The following CDC42EP3 variants were observed in gnomAD, a reference collection of about 807,000 sequenced individuals.
CDC42EP3 encodes the protein CDC42 effector protein 3, also known as CDC42 effector protein (Rho GTPase binding) 3.
A neutral mutation model predicts 15.5 loss-of-function variants in CDC42EP3; 4 were observed. The observed-to-expected ratio is 0.26, with a 90% CI of 0.13 to 0.59. The LOEUF is 0.59. Among genes scored for constraint, CDC42EP3 ranks in the 20% least tolerant of loss-of-function variants. The pLI is 0.89. For synonymous variants in CDC42EP3, 145 were observed against 130.3 expected (o/e 1.11, Z -0.77); for missense variants, 309 against 311.2 (o/e 0.99, Z 0.05).
chr2:37,668,451 A>G (rs905829805), intron 1 of CDC42EP3, among the ~76,000 whole-genome samples: 5 of 152,226 alleles, frequency 3.3e-5, no homozygotes, highest in Admixed American at 2.6e-4. Flanking sequence ...TACAAAGGAT[A>G]AACTGAGGTA....
intron 1 of CDC42EP3, among the ~76,000 whole-genome samples, chr2:37,667,640 T>A (rs80248454): frequency 6.6e-6 from 1 of 152,190 alleles, no homozygotes; most frequent in African/African-American, 2.4e-5. Context: ...ATATGTGGGA[T>A]TGAATCATCT....
At chr2:37,662,207 GA>G (rs1224725753) in intron 1 of CDC42EP3, among the ~76,000 whole-genome samples, 2 of 152,160 alleles carry the variant, frequency 1.3e-5, no homozygotes, top group Non-Finnish European at 2.9e-5. Context: ...TAAGGGTCCT[GA>G]GCCATGTAGT....
intron 1 of CDC42EP3, among the ~76,000 whole-genome samples, chr2:37,651,570 T>G (rs1300847297): frequency 2.0e-5 from 3 of 152,234 alleles, no homozygotes; most frequent in Non-Finnish European, 4.4e-5. Context: ...ACAGATCACT[T>G]TTTGCTTCTG....
At chr2:37,653,925 C>G (rs59448131) in intron 1 of CDC42EP3, among the ~76,000 whole-genome samples, 3,763 of 152,278 alleles carry the variant, frequency 0.025, 116 homozygotes, top group African/African-American at 0.071. Context: ...TCCGACTTCC[C>G]CTTTCTGGCT....
In CDC42EP3 at chr2:37,641,965, T is replaced by C. The variant is rs547093110; in HGVS notation, c.*3858A>G. ...CACAGTAGTTGTAAAACAGATTTCA[T>C]TGTGTTATACATCACTTCATAAAGT... is the stretch of plus-strand genomic sequence containing the variant. On this transcript the variant is annotated 3_prime_UTR_variant, in exon 2 of 2. Transcript: ENST00000295324. 5.3e-4 allele frequency: 80 copies of C among 152,298 alleles called. No individual in the cohort carries two copies. Among genetic ancestry groups the C allele is most frequent in the African/African-American group, 1.6e-3 (67 of 41,568 alleles). 9.4% of individuals were successfully genotyped at this position (152,298 alleles called of 1,614,324 possible).
In CDC42EP3 at chr2:37,646,133, T is replaced by G; in HGVS notation, c.455A>C (p.Lys152Thr). Residue 152 changes from lysine to threonine, a missense_variant, in exon 2 of 2, where the codon AAA (lysine) becomes ACA (threonine). Lys to Thr is a moderately conservative substitution (Grantham distance 78). Coordinates refer to ENST00000295324, the MANE Select transcript of CDC42EP3 (RefSeq NM_006449.5). Reference sequence around the variant, plus strand: ...CAACAGACTGCTTTTCTCCTGAGCTTTTTCCTCCATGACGGGCTCGCAGCT... The same window carrying G: ...CAACAGACTGCTTTTCTCCTGAGCTGTTTCCTCCATGACGGGCTCGCAGCT... Reference protein sequence around the residue: ...RLSCEPVMEEKAQEKSSLLEN... With the variant: ...RLSCEPVMEETAQEKSSLLEN... 1.2e-6 allele frequency: 2 copies of G among 1,614,180 alleles called. No homozygotes were observed. Among genetic ancestry groups the G allele is most frequent in the Non-Finnish European group, 1.7e-6 (2 of 1,180,028 alleles).
chr2:37,641,981 T>C lies in CDC42EP3; in HGVS notation c.*3842A>G, dbSNP rs1202348405. On this transcript the variant is annotated 3_prime_UTR_variant, in exon 2 of 2. Coordinates refer to ENST00000295324, the MANE Select transcript of CDC42EP3 (RefSeq NM_006449.5). ...CAGATTTCATTGTGTTATACATCAC[T>C]TCATAAAGTAAGCATAGTTCCCATT... The C allele has an allele frequency of 2.0e-5, 3 of 152,204 alleles. No individual in the cohort carries two copies. The South Asian group carries it at 6.2e-4, about 32-fold the overall frequency. 9.4% of individuals were successfully genotyped at this position (152,204 alleles called of 1,614,324 possible). A position where few individuals can be genotyped will look rare whatever the true frequency, so the allele number is the denominator to read the frequency against.
rs1033864392 is a variant in CDC42EP3, at chr2:37,664,048, C to G, written c.-236+7378G>C. On this transcript the variant is annotated intron_variant, in intron 1 of 1. Coordinates refer to ENST00000295324, the MANE Select transcript of CDC42EP3 (RefSeq NM_006449.5). ...AATTAGCCGGTCGTTGTGGAGGGTG[C>G]CTGTAGTCCCAGCTACTTGGGAGGC... Among the ~76,000 whole-genome samples, 11 of 152,120 alleles carry G rather than the reference C, an allele frequency of 7.2e-5. 1 individual carries two copies. In the East Asian group the frequency reaches 1.3e-3, roughly 19 times the overall value.
intron 1 of CDC42EP3, among the ~76,000 whole-genome samples, chr2:37,662,362 A>G (rs898013690): frequency 2.6e-5 from 4 of 152,198 alleles, no homozygotes; most frequent in African/African-American, 9.7e-5. Flanking sequence ...GGTAATGTTC[A>G]TTATAAATTA....
At chr2:37,647,163 C>T (rs965394051) in intron 1 of CDC42EP3, among the ~76,000 whole-genome samples, 2 of 152,220 alleles carry the variant, frequency 1.3e-5, no homozygotes, top group African/African-American at 4.8e-5. Context: ...TTTTAAAATA[C>T]ATTTTCCTTT....
chr2:37,659,267 C>G (rs992275818), intron 1 of CDC42EP3, among the ~76,000 whole-genome samples: 2 of 152,196 alleles, frequency 1.3e-5, no homozygotes, highest in South Asian at 4.1e-4. Flanking sequence ...ACCCTGCCTG[C>G]TCTATTGAAA....
At chr2:37,664,776 G>A (rs761769132) in intron 1 of CDC42EP3, among the ~76,000 whole-genome samples, 3 of 152,200 alleles carry the variant, frequency 2.0e-5, no homozygotes, top group Non-Finnish European at 2.9e-5. Flanking sequence ...CATGGATGGA[G>A]TTGGAGGCCA....
intron 1 of CDC42EP3, among the ~76,000 whole-genome samples, chr2:37,660,929 G>A (rs1392324363): frequency 6.6e-6 from 1 of 152,158 alleles, no homozygotes; most frequent in Non-Finnish European, 1.5e-5. Context: ...ATCATTGGAA[G>A]GGACTTCATA....
At chr2:37,658,981 A>G (rs918854042) in intron 1 of CDC42EP3, among the ~76,000 whole-genome samples, 2 of 152,220 alleles carry the variant, frequency 1.3e-5, no homozygotes, top group African/African-American at 4.8e-5. Flanking sequence ...TAGCTTGTGA[A>G]GCCCACTTCA....
At chr2:37,667,085 A>T (rs541668444) in intron 1 of CDC42EP3, among the ~76,000 whole-genome samples, 1 of 152,082 alleles carries the variant, frequency 6.6e-6, no homozygotes, top group Non-Finnish European at 1.5e-5. Flanking sequence ...CAGAGCATCA[A>T]AGCAGTGGAG....
rs776449792 is a variant in CDC42EP3, at chr2:37,646,619, G to T, written c.-32C>A. Reference sequence around the variant, plus strand: ...ATTTGAGAATGTCTATTTTGCAAGCGGGAGAAAGGGCCACTTTCTTCACAG... The same window carrying T: ...ATTTGAGAATGTCTATTTTGCAAGCTGGAGAAAGGGCCACTTTCTTCACAG... On this transcript the variant is annotated 5_prime_UTR_variant, in exon 2 of 2. Transcript: ENST00000295324. 5.3e-6 allele frequency: 8 copies of T among 1,515,054 alleles called. No homozygotes were observed. In the Admixed American group the frequency reaches 1.8e-4, roughly 34 times the overall value. 93.9% of individuals were successfully genotyped at this position (1,515,054 alleles called of 1,614,324 possible).
intron 1 of CDC42EP3, among the ~76,000 whole-genome samples, chr2:37,656,107 G>A (rs577160666): frequency 3.3e-5 from 5 of 152,324 alleles, no homozygotes; most frequent in Admixed American, 2.6e-4. Context: ...CTGCCACCCT[G>A]CTAGGGCTGT....
intron 1 of CDC42EP3, among the ~76,000 whole-genome samples, chr2:37,652,024 A>C (rs1277606987): frequency 6.6e-6 from 1 of 151,466 alleles, no homozygotes; most frequent in Admixed American, 6.6e-5. Context: ...AAATACAAAA[A>C]ATTAGCCGGG....
At position 37,656,721 on chromosome 2, in the gene CDC42EP3, G is replaced by A. The variant is rs114053619; in HGVS notation, c.-235-9899C>T. ...CTGCCGATTTGATAACTCAAGGACT[G>A]CCAACCTGAAGACTATGTATCTTGA... On this transcript the variant is annotated intron_variant, in intron 1 of 1. Coordinates refer to ENST00000295324, the MANE Select transcript of CDC42EP3 (RefSeq NM_006449.5). Among the ~76,000 whole-genome samples, 948 of 152,256 alleles carry A rather than the reference G, an allele frequency of 6.2e-3. 7 individuals carry two copies. The highest frequency in any genetic ancestry group is 0.022 in the African/African-American group (897 of 41,532).
Sources: allele counts gnomAD v4.1 joint callset (sites outside exome capture counted in the v4.1 genomes callset), GRCh38; gene constraint gnomAD v4.1.1; transcripts MANE v1.5; gene names NCBI Gene and HGNC (gene_info 2026-07-23, HGNC 2026-07-21).